Variants in MARCHF1 observed in about 807,000 individuals in gnomAD.
MARCHF1 encodes E3 ubiquitin-protein ligase MARCHF1.
Under a neutral mutation model 54.2 loss-of-function variants are expected in MARCHF1, and 40 were observed. The ratio of observed to expected loss-of-function variants is 0.74; its 90% confidence interval spans 0.57 to 0.96. The LOEUF (loss-of-function observed/expected upper bound fraction) is 0.96. Ranked by LOEUF, MARCHF1 falls within the 40% of genes least tolerant of loss-of-function variation. The probability of loss-of-function intolerance (pLI) is 0.00; values close to 1 mark genes in which losing one functional copy is unlikely to be tolerated. For synonymous variants in MARCHF1, 236 were observed against 236.3 expected (o/e 1.00, Z 0.01); for missense variants, 586 against 656.5 (o/e 0.89, Z 1.17).
At chr4:164,068,024 C>T (rs1754766214) in intron 2 of MARCHF1, among the ~76,000 whole-genome samples, 1 of 152,114 alleles carries the variant, frequency 6.6e-6, no homozygotes, top group South Asian at 2.1e-4. Flanking sequence ...AATGAAATAC[C>T]ATCTCACACC....
chr4:163,637,198 T>A (rs1742365787), intron 5 of MARCHF1, among the ~76,000 whole-genome samples: 1 of 152,148 alleles, frequency 6.6e-6, no homozygotes, highest in African/African-American at 2.4e-5. Flanking sequence ...AAGGACTTCT[T>A]GTCTAAAACA....
chr4:164,379,795 G>A (rs1403340248), intron 1 of MARCHF1, among the ~76,000 whole-genome samples: 2 of 151,998 alleles, frequency 1.3e-5, no homozygotes, highest in East Asian at 1.9e-4. Flanking sequence ...AGCATAGATG[G>A]TGAAACCCCA....
At chr4:164,284,494 ATTCAGGT>A (rs1213856404) in intron 1 of MARCHF1, among the ~76,000 whole-genome samples, 2 of 151,262 alleles carry the variant, frequency 1.3e-5, no homozygotes, top group South Asian at 2.1e-4. Flanking sequence ...GGATTTGAAT[ATTCAGGT>A]TCTAGCTACA....
intron 1 of MARCHF1, among the ~76,000 whole-genome samples, chr4:164,143,697 G>T (rs546613359): frequency 6.6e-6 from 1 of 152,124 alleles, no homozygotes; most frequent in East Asian, 1.9e-4. Flanking sequence ...AGGAACAACC[G>T]ATACCAGCCG....
chr4:164,285,588 G>C lies in MARCHF1; in HGVS notation c.-323+98282C>G, dbSNP rs943715213. 3.9e-4 allele frequency among the ~76,000 whole-genome samples: 59 copies of C among 151,458 alleles called. 1 individual carries two copies. The Middle Eastern group carries it at 0.01, about 26-fold the overall frequency. The stretch of plus-strand genomic sequence containing the variant: ...CTCACGAGTAGCTAGGACTCTAGGC[G>C]CCTGCAACCACGCCCGGCTAAATTT... On this transcript the variant is annotated intron_variant, in intron 1 of 9. Coordinates refer to ENST00000514618, the MANE Select transcript of MARCHF1 (RefSeq NM_001394959.1).
rs1730557109 is a variant in MARCHF1 at position 164,172,676 on chromosome 4, A to G, written c.-322-61014T>C. Among the ~76,000 whole-genome samples the G allele has an allele frequency of 2.0e-5, 3 of 152,328 alleles. No homozygotes were observed. The South Asian group carries it at 6.2e-4, about 32-fold the overall frequency. On this transcript the variant is annotated intron_variant, in intron 1 of 9. Transcript: ENST00000514618. ...TTGTGTCAGATTATTATAAAAGGAC[A>G]CTTTAAAAAAGTCACTACAGGCTGG...
At chr4:163,578,656 A>G (rs574529037) in intron 8 of MARCHF1, among the ~76,000 whole-genome samples, 18 of 152,276 alleles carry the variant, frequency 1.2e-4, no homozygotes, top group Non-Finnish European at 2.2e-4. Flanking sequence ...TTTGTTTTGT[A>G]TATCTTTAGA....
chr4:163,950,660 T>A (rs1031723426), intron 3 of MARCHF1, among the ~76,000 whole-genome samples: 2 of 152,228 alleles, frequency 1.3e-5, no homozygotes, highest in Non-Finnish European at 2.9e-5. Flanking sequence ...CCTCCGCGAC[T>A]GCAGCCAGCG....
At chr4:164,207,006 CAG>C (rs1731625260) in intron 1 of MARCHF1, among the ~76,000 whole-genome samples, 1 of 151,928 alleles carries the variant, frequency 6.6e-6, no homozygotes, top group Non-Finnish European at 1.5e-5. Flanking sequence ...ATAATAGTAA[CAG>C]GGGATATTGA....
chr4:163,877,018 AT>A (rs1750304091), intron 3 of MARCHF1, among the ~76,000 whole-genome samples: 1 of 152,092 alleles, frequency 6.6e-6, no homozygotes, highest in Admixed American at 6.6e-5. Flanking sequence ...ATTAGTCCTA[AT>A]TTTTGGAAAT....
intron 1 of MARCHF1, among the ~76,000 whole-genome samples, chr4:164,145,645 T>TAAATTAGGTATTG: frequency 6.6e-6 from 1 of 152,016 alleles, no homozygotes; most frequent in Non-Finnish European, 1.5e-5. Flanking sequence ...AAACTCTCAA[T>TAAATTAGGTATTG]AAATTAGGTA....
rs115790937 is a variant in MARCHF1, at chr4:163,819,743, A to G, written c.111+34278T>C. ...GCTCTCCCCAATATTCGTACAAACC[A>G]TCTTACAAACCAACTTGCATATGCA... On this transcript the variant is annotated intron_variant, in intron 4 of 9. Transcript: ENST00000514618. Among the ~76,000 whole-genome samples, 955 of 152,190 alleles carry G rather than the reference A, an allele frequency of 6.3e-3. 7 individuals are homozygous for G. The highest frequency in any genetic ancestry group is 0.021 in the African/African-American group (866 of 41,544).
chr4:164,346,776 G>C (rs1000666956), intron 1 of MARCHF1, among the ~76,000 whole-genome samples: 1 of 151,380 alleles, frequency 6.6e-6, no homozygotes, highest in Non-Finnish European at 1.5e-5. Context: ...CCTAGCATGA[G>C]TATCAGGTAG....
At position 163,632,392 on chromosome 4, in the gene MARCHF1, C is replaced by G. The variant is rs1228996778; in HGVS notation, c.163-18999G>C. Among the ~76,000 whole-genome samples, 5 of 152,158 alleles carry G rather than the reference C, an allele frequency of 3.3e-5. No homozygotes were observed. The East Asian group carries it at 5.8e-4, about 18-fold the overall frequency. ...GGGCGCAGGTCAGTGGGTGCATGCA[C>G]TGTGCGCCAGCCGAAGCAGGGCGAG... On this transcript the variant is annotated intron_variant, in intron 5 of 9. Transcript: ENST00000514618.
At chr4:163,775,488 G>T (rs1747280137) in intron 4 of MARCHF1, among the ~76,000 whole-genome samples, 1 of 152,042 alleles carries the variant, frequency 6.6e-6, no homozygotes, top group South Asian at 2.1e-4. Context: ...GTGAATATAT[G>T]AATTCTTAAC....
chr4:163,641,459 A>T (rs1033248633), intron 5 of MARCHF1, among the ~76,000 whole-genome samples: 2 of 152,106 alleles, frequency 1.3e-5, no homozygotes, highest in African/African-American at 2.4e-5. Context: ...CTTGGGATGT[A>T]TTTGTTCTGA....
intron 4 of MARCHF1, among the ~76,000 whole-genome samples, chr4:163,741,323 G>A (rs1364974918): frequency 6.6e-6 from 1 of 152,120 alleles, no homozygotes; most frequent in Non-Finnish European, 1.5e-5. Context: ...GGTGGCTCAA[G>A]CCTGTAATCC....
chr4:163,902,096 G>A (rs183639706), intron 3 of MARCHF1, among the ~76,000 whole-genome samples: 352 of 152,224 alleles, frequency 2.3e-3, no homozygotes, highest in Admixed American at 6.5e-3. Context: ...TACAGGGATG[G>A]GGAGGGTAAC....
At chr4:164,176,100 G>A (rs112041440) in intron 1 of MARCHF1, among the ~76,000 whole-genome samples, 1,910 of 152,098 alleles carry the variant, frequency 0.013, 39 homozygotes, top group East Asian at 0.088. Context: ...ACACCTAAAC[G>A]TTTCCAAAGA....
Sources: gnomAD v4.1 joint callset for allele counts (sites outside exome capture counted in the v4.1 genomes callset) on GRCh38, gnomAD v4.1.1 for gene constraint, MANE v1.5 for transcripts, NCBI Gene and HGNC (gene_info 2026-07-23, HGNC 2026-07-21) for gene names.